CFAP54: variants seen among roughly 807,000 people sequenced by gnomAD.
The protein encoded by CFAP54 is cilia- and flagella-associated protein 54.
In CFAP54, 290 loss-of-function variants were observed where a neutral mutation model predicts 370.4. The observed-to-expected ratio is 0.78, with a 90% confidence interval of 0.71 to 0.86. The LOEUF (loss-of-function observed/expected upper bound fraction) is 0.86. CFAP54 is among the 40% of genes least tolerant of loss of function. The pLI is 0.00. For synonymous variants in CFAP54, 1,206 were observed against 1,236.5 expected (o/e 0.98, Z 0.52); for missense variants, 3,399 against 3,528.7 (o/e 0.96, Z 0.93).
At chr12:96,851,698 A>C (rs1959550985) in intron 66 of CFAP54, among the ~76,000 whole-genome samples, 1 of 152,182 alleles carries the variant, frequency 6.6e-6, no homozygotes, top group South Asian at 2.1e-4. Flanking sequence ...CCTAGGAATA[A>C]ATTTAACAAA....
At chr12:96,585,781 A>G (rs575014399) in intron 22 of CFAP54, among the ~76,000 whole-genome samples, 3 of 152,268 alleles carry the variant, frequency 2.0e-5, no homozygotes, top group South Asian at 4.1e-4. Flanking sequence ...CTCAACTCCT[A>G]TGAAGGCCCA....
At chr12:96,512,429 G>T (rs1465891062) in intron 4 of CFAP54, among the ~76,000 whole-genome samples, 1 of 148,772 alleles carries the variant, frequency 6.7e-6, no homozygotes, top group African/African-American at 2.5e-5. Flanking sequence ...TGCAACCTCC[G>T]CCTCCCAGGT....
intron 1 of CFAP54, 59 bp downstream of exon 1, chr12:96,489,985 G>C (rs1251531115): frequency 8.4e-6 from 12 of 1,431,160 alleles, no homozygotes; most frequent in African/African-American, 1.4e-5. Context: ...CCTGGAAAGG[G>C]CTGGAGGATG....
rs565979071 is a variant in CFAP54, at chr12:96,793,223, T to A, written c.8850+724T>A. Among the ~76,000 whole-genome samples, 18 of 152,220 alleles carry A rather than the reference T, an allele frequency of 1.2e-4. No individual in the cohort carries two copies. The South Asian group carries it at 3.7e-3, about 32-fold the overall frequency. Reference sequence around the variant, plus strand: ...TCCCCCGAGCCCCCAAAATCTATTGTATCATTCTTATACATTTGCATCCTC... The same window carrying A: ...TCCCCCGAGCCCCCAAAATCTATTGAATCATTCTTATACATTTGCATCCTC... On this transcript the variant is annotated intron_variant, in intron 63 of 67. Transcript: ENST00000524981.
intron 50 of CFAP54, among the ~76,000 whole-genome samples, chr12:96,739,158 G>C (rs547485021): frequency 6.6e-6 from 1 of 152,066 alleles, no homozygotes; most frequent in African/African-American, 2.4e-5. Context: ...GATATATTTC[G>C]GCCTTCATCC....
At chr12:96,621,871 G>GTTTTTTTTTTTTTTT (rs1290967830) in intron 27 of CFAP54, 150 bp downstream of exon 27, 3 of 51,412 alleles carry the variant, frequency 5.8e-5, no homozygotes, top group African/African-American at 7.9e-5. Context: ...GAGCTTTTGG[G>GTTTTTTTTTTTTTTT]TTTGTTTTTT....
At chr12:96,494,815 CT>C (rs1954930384) in intron 1 of CFAP54, among the ~76,000 whole-genome samples, 1 of 152,034 alleles carries the variant, frequency 6.6e-6, no homozygotes, top group South Asian at 2.1e-4. Flanking sequence ...CAGCTTCCGC[CT>C]CCCGGATTCC....
intron 63 of CFAP54, among the ~76,000 whole-genome samples, chr12:96,797,108 G>A (rs186508804): frequency 1.6e-3 from 246 of 152,208 alleles, no homozygotes; most frequent in African/African-American, 5.6e-3. Context: ...ATTTTGACAA[G>A]TGTTTCTAAA....
intron 64 of CFAP54, among the ~76,000 whole-genome samples, chr12:96,812,170 TGCTTCATAGAGATTACAGAG>T (rs1186370288): frequency 2.0e-5 from 3 of 152,350 alleles, no homozygotes; most frequent in South Asian, 4.1e-4. Flanking sequence ...AGTTCATACA[TGCTTCATAGAGATTACAGAG>T]AGCACAAGGA....
intron 17 of CFAP54, among the ~76,000 whole-genome samples, chr12:96,561,014 A>G (rs1955808877): frequency 6.6e-6 from 1 of 151,998 alleles, no homozygotes; most frequent in African/African-American, 2.4e-5. Context: ...TTCCTTTTTT[A>G]CTAATCTTTT....
chr12:96,589,606 AAATATAGATGCTGGATGCGAAGCCTGG>A, intron 23 of CFAP54, 43 bp downstream of exon 23: 1 of 1,215,436 alleles, frequency 8.2e-7, no homozygotes, highest in Non-Finnish European at 1.2e-6. Context: ...TGCTTATTGA[AAATATAGATGCTGGATGCGAAGCCTGG>A]AATTATTTTT....
chr12:96,820,108 A>G (rs1212632980), intron 65 of CFAP54, among the ~76,000 whole-genome samples: 3 of 152,180 alleles, frequency 2.0e-5, no homozygotes, highest in Non-Finnish European at 2.9e-5. Flanking sequence ...CGTGAGAGCA[A>G]TGGGAGACAC....
chr12:96,689,020 C>T, intron 43 of CFAP54, 38 bp downstream of exon 43: 2 of 1,288,650 alleles, frequency 1.6e-6, no homozygotes, highest in South Asian at 3.1e-5. Flanking sequence ...CATTGTAGCA[C>T]AACCATTCAT....
At chr12:96,744,247 T>C in intron 55 of CFAP54, 101 bp downstream of exon 55, 1 of 1,008,810 alleles carries the variant, frequency 9.9e-7, no homozygotes, top group Non-Finnish European at 1.4e-6. Flanking sequence ...AGAGGCAATA[T>C]TTATGAATAC....
At chr12:96,847,402 T>C (rs1959391311) in intron 66 of CFAP54, among the ~76,000 whole-genome samples, 1 of 152,140 alleles carries the variant, frequency 6.6e-6, no homozygotes, top group African/African-American at 2.4e-5. Flanking sequence ...CCTTATGCGT[T>C]TTTATGGAAG....
intron 50 of CFAP54, among the ~76,000 whole-genome samples, chr12:96,738,583 C>T (rs1449965882): frequency 6.7e-6 from 1 of 148,508 alleles, no homozygotes; most frequent in African/African-American, 2.5e-5. Flanking sequence ...AACCTTCCCT[C>T]CAAGCACGTC....
At chr12:96,753,705 T>A (rs1958216362) in intron 55 of CFAP54, 38 bp from the exon 56 acceptor site, 1 of 1,591,190 alleles carries the variant, frequency 6.3e-7, no homozygotes, top group South Asian at 1.1e-5. Flanking sequence ...ACACCGTGTA[T>A]TTTTTTGTTC....
At chr12:96,758,300 A>C (rs1958288638) in intron 58 of CFAP54, among the ~76,000 whole-genome samples, 2 of 152,138 alleles carry the variant, frequency 1.3e-5, no homozygotes, top group Non-Finnish European at 2.9e-5. Context: ...TAAAGGAAAG[A>C]GATTTAACGG....
chr12:96,517,367 A>T (rs891898469), intron 5 of CFAP54, among the ~76,000 whole-genome samples: 1 of 152,318 alleles, frequency 6.6e-6, no homozygotes, highest in East Asian at 1.9e-4. Context: ...TTTCCATAGC[A>T]AATCAAATAC....
Sources: allele counts gnomAD v4.1 joint callset (sites outside exome capture counted in the v4.1 genomes callset), GRCh38; gene constraint gnomAD v4.1.1; transcripts MANE v1.5; gene names NCBI Gene and HGNC (gene_info 2026-07-23, HGNC 2026-07-21).